The following PCDH9 variants were observed in gnomAD, a reference collection of about 807,000 sequenced individuals.
The protein encoded by PCDH9 is protocadherin 9.
In PCDH9, 24 loss-of-function variants were observed where a neutral mutation model predicts 70.6. The ratio of observed to expected loss-of-function variants is 0.34; its 90% CI spans 0.25 to 0.48. The LOEUF (loss-of-function observed/expected upper bound fraction) is 0.48, where lower values mean the gene tolerates loss of function less well. Ranked by LOEUF, PCDH9 falls within the 20% of genes least tolerant of loss-of-function variation. The probability of loss-of-function intolerance (pLI) is 0.99; values close to 1 mark genes in which losing one functional copy is unlikely to be tolerated. For missense variants in PCDH9, 1,281 were observed against 1,503.6 expected, an observed-to-expected ratio of 0.85 and a Z score of 2.45; for synonymous variants, 562 against 558.5, an observed-to-expected ratio of 1.01 and a Z score of -0.09.
At chr13:66,973,700 T>C (rs979163574) in intron 2 of PCDH9, among the ~76,000 whole-genome samples, 1 of 152,052 alleles carries the variant, frequency 6.6e-6, no homozygotes, top group Non-Finnish European at 1.5e-5. Flanking sequence ...TCATAACAGA[T>C]GGACAGTTTA....
At chr13:66,512,267 C>T (rs926187981) in intron 4 of PCDH9, among the ~76,000 whole-genome samples, 4 of 142,690 alleles carry the variant, frequency 2.8e-5, no homozygotes, top group Non-Finnish European at 6.0e-5. Context: ...AAAATATATA[C>T]AGATACCTTA....
chr13:66,738,874 C>A (rs1212839909), intron 3 of PCDH9, among the ~76,000 whole-genome samples: 9 of 149,592 alleles, frequency 6.0e-5, no homozygotes, highest in East Asian at 2.0e-4. Flanking sequence ...ATTGGTGTAC[C>A]TGAAAGTGAT....
At chr13:66,889,578 C>T (rs2139562546) in intron 3 of PCDH9, among the ~76,000 whole-genome samples, 1 of 152,224 alleles carries the variant, frequency 6.6e-6, no homozygotes, top group East Asian at 1.9e-4. Flanking sequence ...ATAAAGCATA[C>T]TGTCCCCTGG....
At chr13:66,419,398 C>G (rs1209960721) in intron 4 of PCDH9, among the ~76,000 whole-genome samples, 1 of 151,980 alleles carries the variant, frequency 6.6e-6, no homozygotes, top group African/African-American at 2.4e-5. Context: ...CAGCCTGCAG[C>G]TCCCAGCGAG....
At chr13:67,040,310 T>C (rs1338659093) in intron 2 of PCDH9, among the ~76,000 whole-genome samples, 1 of 152,104 alleles carries the variant, frequency 6.6e-6, no homozygotes, top group Non-Finnish European at 1.5e-5. Context: ...TTACTGCCTT[T>C]ATAAAAGTGA....
rs186765903 is a variant in PCDH9 at position 66,792,587 on chromosome 13, C to T, written c.3138+110917G>A. Among the ~76,000 whole-genome samples, 6 of 152,162 alleles carry T rather than the reference C, an allele frequency of 3.9e-5. No individual in the cohort carries two copies. In the East Asian group the frequency reaches 9.7e-4, roughly 25 times the overall value. On this transcript the variant is annotated intron_variant, in intron 3 of 4. Transcript: ENST00000377865. ...CGGAAGCTGACGCAGGAGAATCACC[C>T]GGACCCAGATGGCAGAGGTTTCAGT...
intron 4 of PCDH9, among the ~76,000 whole-genome samples, chr13:66,387,900 G>T (rs1025385066): frequency 6.6e-6 from 1 of 152,070 alleles, no homozygotes; most frequent in Non-Finnish European, 1.5e-5. Flanking sequence ...CTGGTGCATG[G>T]TTGCATGATT....
intron 4 of PCDH9, among the ~76,000 whole-genome samples, chr13:66,603,153 G>A (rs904297837): frequency 6.9e-6 from 1 of 145,852 alleles, no homozygotes; most frequent in African/African-American, 2.5e-5. Flanking sequence ...AGTCCTATGA[G>A]TTTGAAAAGA....
At chr13:66,985,772 G>C (rs926362781) in intron 2 of PCDH9, 6 of 152,066 alleles carry the variant, frequency 3.9e-5, no homozygotes, top group African/African-American at 1.4e-4. Context: ...ATGTTTAGTT[G>C]TGTATGTGTG....
At chr13:66,785,627 A>G (rs1024241790) in intron 3 of PCDH9, among the ~76,000 whole-genome samples, 1 of 152,118 alleles carries the variant, frequency 6.6e-6, no homozygotes, top group African/African-American at 2.4e-5. Flanking sequence ...ATAGGATATC[A>G]GCAACATTAA....
At chr13:66,552,182 G>C (rs1282200736) in intron 4 of PCDH9, among the ~76,000 whole-genome samples, 2 of 152,064 alleles carry the variant, frequency 1.3e-5, no homozygotes, top group Non-Finnish European at 2.9e-5. Context: ...AAAACAGTGA[G>C]ACTCAATATT....
At chr13:66,378,660 T>C (rs944859122) in intron 4 of PCDH9, among the ~76,000 whole-genome samples, 1 of 152,250 alleles carries the variant, frequency 6.6e-6, no homozygotes, top group South Asian at 2.1e-4. Flanking sequence ...TAGTTATTCT[T>C]GTAAATAAGT....
chr13:66,337,424 A>G (rs1956054730), intron 4 of PCDH9, among the ~76,000 whole-genome samples: 1 of 152,068 alleles, frequency 6.6e-6, no homozygotes, highest in Non-Finnish European at 1.5e-5. Context: ...GCATTCTGGA[A>G]GGCCCTTGGT....
chr13:66,331,229 A>T (rs1955935969), intron 4 of PCDH9, among the ~76,000 whole-genome samples: 1 of 152,122 alleles, frequency 6.6e-6, no homozygotes. Context: ...TATAAGACAA[A>T]CAAGACTCCA....
chr13:66,323,135 C>G (rs561380777), intron 4 of PCDH9: 2 of 151,956 alleles, frequency 1.3e-5, no homozygotes, highest in East Asian at 1.9e-4. Flanking sequence ...CATGACTTGT[C>G]AAGATACCTA....
chr13:67,142,151 T>C (rs1006870226), intron 2 of PCDH9, among the ~76,000 whole-genome samples: 1 of 152,156 alleles, frequency 6.6e-6, no homozygotes, highest in Non-Finnish European at 1.5e-5. Context: ...ATTAAGAATG[T>C]GGAAAAACCC....
chr13:66,940,250 G>A (rs2082985733), intron 2 of PCDH9, among the ~76,000 whole-genome samples: 1 of 151,976 alleles, frequency 6.6e-6, no homozygotes, highest in Admixed American at 6.5e-5. Context: ...TTATACAACT[G>A]TTTCCTAACA....
intron 4 of PCDH9, among the ~76,000 whole-genome samples, chr13:66,522,036 C>CATATATATATAT (rs34150352): frequency 6.9e-6 from 1 of 145,224 alleles, no homozygotes; most frequent in Middle Eastern, 3.6e-3. Context: ...TGTATATATA[C>CATATATATATAT]ATATATATAT....
intron 4 of PCDH9, among the ~76,000 whole-genome samples, chr13:66,463,713 T>G (rs898890286): frequency 1.3e-5 from 2 of 151,754 alleles, no homozygotes; most frequent in Non-Finnish European, 2.9e-5. Context: ...ATCCATTGGA[T>G]CCATTCCCTT....
Sources: allele counts gnomAD v4.1 joint callset (sites outside exome capture counted in the v4.1 genomes callset), GRCh38; gene constraint gnomAD v4.1.1; transcripts MANE v1.5; gene names NCBI Gene and HGNC (gene_info 2026-07-23, HGNC 2026-07-21).